Variants in PCDHA6 observed in about 807,000 individuals in gnomAD.
PCDHA6 encodes protocadherin alpha-6.
In PCDHA6, 55 loss-of-function variants were observed where a neutral mutation model predicts 60.3. The ratio of observed to expected loss-of-function variants is 0.91; its 90% CI spans 0.73 to 1.14. The LOEUF (loss-of-function observed/expected upper bound fraction) is 1.14. PCDHA6 is among the 50% of genes most tolerant of loss of function. PCDHA6 has a pLI of 0.00. For synonymous variants in PCDHA6, 652 were observed against 557.9 expected, an observed-to-expected ratio of 1.17 and a Z score of -2.38; for missense variants, 1,327 against 1,256.5, an observed-to-expected ratio of 1.06 and a Z score of -0.85.
At chr5:140,871,376 G>GCT (rs782235924) in intron 1 of PCDHA6, 26 of 1,614,078 alleles carry the variant, frequency 1.6e-5, no homozygotes, top group South Asian at 1.4e-4. Flanking sequence ...CAGAGGGTGT[G>GCT]CTCTGAGGAG....
intron 1 of PCDHA6, chr5:140,843,436 C>A (rs2150359840): frequency 1.9e-6 from 3 of 1,596,080 alleles, no homozygotes; most frequent in East Asian, 2.2e-5. Flanking sequence ...TCGCCATCTG[C>A]GCGGTATCCA....
intron 1 of PCDHA6, chr5:140,834,626 T>G: frequency 6.2e-7 from 1 of 1,614,168 alleles, no homozygotes; most frequent in East Asian, 2.2e-5. Context: ...ATCTGCAGAA[T>G]GGCATTTTGT....
intron 1 of PCDHA6, chr5:140,855,963 A>C (rs1291137660): frequency 1.4e-6 from 2 of 1,404,396 alleles, no homozygotes; most frequent in Non-Finnish European, 1.9e-6. Context: ...TAAAAAATAG[A>C]TATAAGAAAT....
At position 140,850,419 on chromosome 5, in the gene PCDHA6, G is replaced by C. The variant is rs1465099022; in HGVS notation, c.2394+19934G>C. On this transcript the variant is annotated intron_variant, in intron 1 of 3. Transcript: ENST00000529310. ...AACGCGTGCCCTGGACGAAACGGAC[G>C]CACCGCGCCAGCGCCTACTGGTGCT... is the stretch of plus-strand genomic sequence containing the variant. The C allele has an allele frequency of 1.9e-6, 3 of 1,597,838 alleles. No homozygotes were observed. The South Asian group carries it at 3.3e-5, about 18-fold the overall frequency.
intron 1 of PCDHA6, chr5:140,850,778 C>G (rs371734141): frequency 6.3e-7 from 1 of 1,597,940 alleles, no homozygotes; most frequent in Non-Finnish European, 8.6e-7. Context: ...TGTGCTCTGG[C>G]GAGGGTAAGC....
chr5:140,874,129 GTTATC>G (rs1339746498), intron 1 of PCDHA6, among the ~76,000 whole-genome samples: 2 of 151,518 alleles, frequency 1.3e-5, no homozygotes, highest in Non-Finnish European at 2.9e-5. Flanking sequence ...GTTTATTTAA[GTTATC>G]TTATACTTGT....
At chr5:140,841,233 G>A (rs1777106384) in intron 1 of PCDHA6, 2 of 1,469,626 alleles carry the variant, frequency 1.4e-6, no homozygotes, top group Admixed American at 2.3e-5. Flanking sequence ...AACGGGAGAT[G>A]CAGCGGAATT....
intron 1 of PCDHA6, chr5:140,927,106 A>G: frequency 6.2e-7 from 1 of 1,613,678 alleles, no homozygotes; most frequent in Non-Finnish European, 8.5e-7. Context: ...GGATCTACCC[A>G]GCGGCAATTT....
chr5:140,834,367 C>T (rs2150215817), intron 1 of PCDHA6: 2 of 1,554,312 alleles, frequency 1.3e-6, no homozygotes, highest in Admixed American at 2.0e-5. Flanking sequence ...ACTAGAAAAA[C>T]AAGCCAATAA....
intron 1 of PCDHA6, among the ~76,000 whole-genome samples, chr5:140,940,808 T>C (rs781904662): frequency 3.3e-5 from 5 of 152,232 alleles, no homozygotes; most frequent in Non-Finnish European, 7.3e-5. Context: ...TGCCAGGATA[T>C]CCTGAGATCT....
chr5:140,994,911 A>C (rs527704488), intron 3 of PCDHA6, among the ~76,000 whole-genome samples: 4 of 152,222 alleles, frequency 2.6e-5, no homozygotes, highest in African/African-American at 9.6e-5. Flanking sequence ...TGTAGACTGG[A>C]ATCAGATTTT....
chr5:140,842,394 C>T (rs2150335201), intron 1 of PCDHA6: 6 of 1,611,212 alleles, frequency 3.7e-6, no homozygotes, highest in Admixed American at 3.3e-5. Flanking sequence ...TTATCCTTGC[C>T]TGTACGTGAA....
Position 140,830,271 on chromosome 5 carries a change from C to T in PCDHA6, c.2180C>T (p.Pro727Leu), listed in dbSNP as rs2150183888. Reference sequence around the variant, plus strand: ...ACAGCGCTGCGGTGCTCGGCGCCACCCACCGAGGGCGCGTGCACGGCGGAC... The same window carrying T: ...ACAGCGCTGCGGTGCTCGGCGCCACTCACCGAGGGCGCGTGCACGGCGGAC... Reference protein sequence around the residue: ...LYTALRCSAPPTEGACTADKP... With the variant: ...LYTALRCSAPLTEGACTADKP... Residue 727 changes from proline to leucine, a missense_variant, in exon 1 of 4, where the codon CCC becomes CTC. Transcript: ENST00000529310. The T allele has an allele frequency of 4.3e-6, 7 of 1,613,820 alleles. 1 individual carries two copies. In the South Asian group the frequency reaches 7.7e-5, roughly 18 times the overall value.
intron 3 of PCDHA6, among the ~76,000 whole-genome samples, chr5:140,985,928 C>G (rs1001132600): frequency 9.9e-5 from 15 of 151,534 alleles, no homozygotes; most frequent in Non-Finnish European, 1.3e-4. Context: ...TTTAGTAGAG[C>G]CGGGGTTTCA....
At chr5:140,998,094 GCAAA>G (rs1182835904) in intron 3 of PCDHA6, among the ~76,000 whole-genome samples, 7 of 152,226 alleles carry the variant, frequency 4.6e-5, no homozygotes, top group African/African-American at 1.4e-4. Flanking sequence ...AAATGCTAGA[GCAAA>G]CAGAGGAGAA....
At position 140,829,130 on chromosome 5, in the gene PCDHA6, G is replaced by T. The variant is rs2150162751; in HGVS notation, c.1039G>T (p.Val347Phe). 5 of 1,612,440 alleles carry T rather than the reference G, an allele frequency of 3.1e-6. No homozygotes were observed. The African/African-American group carries it at 6.7e-5, about 22-fold the overall frequency. The change falls in exon 1 of 4, where the codon GTC (valine) becomes TTC (phenylalanine). Residue 347 changes from valine (V) to phenylalanine (F), a missense_variant. Transcript: ENST00000529310. ...LVRILDKNDN[V>F]PEIALTSLSL... ...GAGAATTTTGGATAAAAATGATAAC[G>T]TCCCTGAGATAGCACTGACTTCCTT...
intron 1 of PCDHA6, among the ~76,000 whole-genome samples, chr5:140,840,345 T>C (rs2150306031): frequency 3.9e-5 from 6 of 151,972 alleles, no homozygotes; most frequent in Non-Finnish European, 7.4e-5. Flanking sequence ...TGTTAGGGTA[T>C]ACAGGTAAAA....
chr5:140,853,937 G>A (rs367556947), intron 1 of PCDHA6: 2 of 835,562 alleles, frequency 2.4e-6, no homozygotes, highest in Non-Finnish European at 2.9e-6. Flanking sequence ...GGGAGGCCAA[G>A]GTGGGAGGGT....
intron 1 of PCDHA6, among the ~76,000 whole-genome samples, chr5:140,922,064 T>C (rs2080596272): frequency 6.6e-6 from 1 of 152,054 alleles, no homozygotes; most frequent in Non-Finnish European, 1.5e-5. Flanking sequence ...AATGTAGCAA[T>C]CCCACTAAGC....
Sources: gnomAD v4.1 joint callset for allele counts (sites outside exome capture counted in the v4.1 genomes callset) on GRCh38, gnomAD v4.1.1 for gene constraint, MANE v1.5 for transcripts, NCBI Gene and HGNC (gene_info 2026-07-23, HGNC 2026-07-21) for gene names.